Variants in PRMT8 observed in about 807,000 individuals in gnomAD.
PRMT8 encodes protein arginine N-methyltransferase 8.
A neutral mutation model predicts 47.1 loss-of-function variants in PRMT8; 7 were observed. The observed-to-expected ratio is 0.15, with a 90% CI of 0.08 to 0.28. The LOEUF is 0.28. Ranked by LOEUF, PRMT8 falls within the 10% of genes least tolerant of loss-of-function variation. The probability of loss-of-function intolerance (pLI) is 1.00; values close to 1 mark genes in which losing one functional copy is unlikely to be tolerated. For synonymous variants in PRMT8, 188 were observed against 186.5 expected (o/e 1.01, Z -0.07); for missense variants, 237 against 505.4 (o/e 0.47, Z 5.09).
intron 6 of PRMT8, chr12:3,574,192 A>G (rs907827170): frequency 1.3e-5 from 2 of 152,220 alleles, no homozygotes; most frequent in South Asian, 2.1e-4. Flanking sequence ...ATGCTGTACT[A>G]TGGGTGTTGA....
chr12:3,560,605 T>C (rs1452066209), intron 4 of PRMT8, among the ~76,000 whole-genome samples: 1 of 152,216 alleles, frequency 6.6e-6, no homozygotes, highest in African/African-American at 2.4e-5. Flanking sequence ...TTGATTGCAT[T>C]GGTTTAACTC....
chr12:3,397,736 C>T lies in PRMT8; in HGVS notation c.48+16294C>T, dbSNP rs528875501. On this transcript the variant is annotated intron_variant, in intron 1 of 9. Transcript: ENST00000452611. ...GGCCTCCTTGAGCTGTGGTGGGCTC[C>T]CCCCAGTTCGTGCTTCCCGGCTGCT... Among the ~76,000 whole-genome samples the T allele has an allele frequency of 3.8e-4, 57 of 151,952 alleles. 2 individuals carry two copies. The South Asian group carries it at 4.2e-3, about 11-fold the overall frequency.
At chr12:3,528,394 T>A (rs1241865730) in intron 1 of PRMT8, among the ~76,000 whole-genome samples, 1 of 152,200 alleles carries the variant, frequency 6.6e-6, no homozygotes, top group African/African-American at 2.4e-5. Flanking sequence ...TTGCCTTGTG[T>A]CAAGTTCACT....
intron 1 of PRMT8, 57 bp downstream of exon 1, chr12:3,491,757 GCGCCGC>G (rs1230882766): frequency 1.9e-6 from 3 of 1,541,558 alleles, no homozygotes; most frequent in East Asian, 4.7e-5. Context: ...CCGGACCACC[GCGCCGC>G]CGCCGCCGCT....
intron 1 of PRMT8, among the ~76,000 whole-genome samples, chr12:3,402,772 C>T (rs1864331026): frequency 6.6e-6 from 1 of 152,140 alleles, no homozygotes; most frequent in Non-Finnish European, 1.5e-5. Context: ...AATGAGATAC[C>T]ATCTCATGCC....
chr12:3,417,115 T>C (rs866013743), intron 1 of PRMT8, among the ~76,000 whole-genome samples: 3 of 152,204 alleles, frequency 2.0e-5, no homozygotes, highest in Non-Finnish European at 4.4e-5. Context: ...AGGCGTGTAA[T>C]AGAATGGGGA....
chr12:3,552,820 C>T lies in PRMT8; in HGVS notation c.418-831C>T. On this transcript the variant is annotated intron_variant, in intron 3 of 9. Coordinates refer to ENST00000382622, the MANE Select transcript of PRMT8 (RefSeq NM_019854.5). The surrounding 1 kb of genome is among the most constrained non-coding windows in gnomAD (Gnocchi z 4.5). The stretch of plus-strand genomic sequence containing the variant: ...CGAGGCCTGGGGGTAGTCTGAGGGG[C>T]CCCCAAGTGTGGAGGTGAGTAGAGC... 1 of 459,198 alleles carries T rather than the reference C, an allele frequency of 2.2e-6. No individual in the cohort carries two copies. The highest frequency in any genetic ancestry group is 4.4e-6 in the Non-Finnish European group (1 of 228,444). 28.4% of individuals were successfully genotyped at this position (459,198 alleles called of 1,614,324 possible).
At chr12:3,490,466 C>G (rs1047565205), upstream of PRMT8, among the ~76,000 whole-genome samples, 1 of 142,344 alleles carries the variant, frequency 7.0e-6, no homozygotes, top group African/African-American at 2.6e-5. Context: ...AAAGGGACTT[C>G]AAAATCTGGC....
intron 8 of PRMT8, among the ~76,000 whole-genome samples, chr12:3,584,896 A>C (rs1319883475): frequency 6.6e-6 from 1 of 152,164 alleles, no homozygotes; most frequent in Non-Finnish European, 1.5e-5. Context: ...CTTAGGTTGG[A>C]TCCTACCCTC....
At chr12:3,532,631 A>T (rs1197194747) in intron 1 of PRMT8, among the ~76,000 whole-genome samples, 2 of 150,256 alleles carry the variant, frequency 1.3e-5, no homozygotes, top group Non-Finnish European at 3.0e-5. Flanking sequence ...AAAAAAAAAA[A>T]AAAAAAAAAA....
At position 3,491,611 on chromosome 12, in the gene PRMT8, C is replaced by A; in HGVS notation, c.-15C>A. On this transcript the variant is annotated 5_prime_UTR_variant, in exon 1 of 10. Transcript: ENST00000382622. The stretch of plus-strand genomic sequence containing the variant: ...CCTCTACTATCTCGGTATCACCAAA[C>A]CCTTGCCGGCTCTTATGGGCATGAA... 1.2e-6 allele frequency: 2 copies of A among 1,612,004 alleles called. No homozygotes were observed. The highest frequency in any genetic ancestry group is 1.7e-6 in the Non-Finnish European group (2 of 1,179,560).
Position 3,381,591 on chromosome 12 carries a change from T to A in PRMT8, c.48+149T>A, listed in dbSNP as rs1243954488. The A allele has an allele frequency of 2.4e-5, 18 of 734,818 alleles. No homozygotes were observed. The East Asian group carries it at 4.9e-4, about 20-fold the overall frequency. The allele number at this position is 734,818 out of a possible 1,614,324, so 45.5% of individuals were successfully genotyped here. ...CGTCTCTGTTTCTAAGTTCATAACA[T>A]GCTGCTCTGGGCTTTGCGGCTCCAC... On this transcript the variant is annotated intron_variant, in intron 1 of 9. Coordinates refer to the PRMT8 transcript ENST00000452611.
At chr12:3,386,413 T>C (rs546847847) in intron 1 of PRMT8, among the ~76,000 whole-genome samples, 5 of 152,378 alleles carry the variant, frequency 3.3e-5, no homozygotes, top group African/African-American at 1.2e-4. Flanking sequence ...TTCCTCTTAC[T>C]TTTCATGCCA....
At chr12:3,384,548 C>T (rs1008697894) in intron 1 of PRMT8, among the ~76,000 whole-genome samples, 1 of 152,204 alleles carries the variant, frequency 6.6e-6, no homozygotes, top group Non-Finnish European at 1.5e-5. Context: ...ATTGTCAGGG[C>T]TCTGGGTGTT....
At chr12:3,512,766 G>A (rs1253371925) in intron 1 of PRMT8, among the ~76,000 whole-genome samples, 1 of 152,226 alleles carries the variant, frequency 6.6e-6, no homozygotes, top group African/African-American at 2.4e-5. Context: ...GGATGACTTA[G>A]TGGATGTTGG....
At chr12:3,554,633 C>G (rs1866491904) in intron 4 of PRMT8, among the ~76,000 whole-genome samples, 1 of 152,134 alleles carries the variant, frequency 6.6e-6, no homozygotes, top group African/African-American at 2.4e-5. Context: ...GGTGGGAAGG[C>G]TGGAGCTGGG....
chr12:3,451,453 A>G (rs1044860316), intron 1 of PRMT8, among the ~76,000 whole-genome samples: 1 of 152,174 alleles, frequency 6.6e-6, no homozygotes, highest in Non-Finnish European at 1.5e-5. Context: ...CATGTGCAGA[A>G]AAGATCCTTT....
At chr12:3,434,834 A>G (rs2137070429) in intron 1 of PRMT8, among the ~76,000 whole-genome samples, 1 of 151,500 alleles carries the variant, frequency 6.6e-6, no homozygotes, top group Middle Eastern at 3.4e-3. Context: ...GGCAAGATTG[A>G]TCGAAGGGCC....
upstream of PRMT8, among the ~76,000 whole-genome samples, chr12:3,490,721 A>AG (rs1565420884): frequency 1.7e-4 from 16 of 96,472 alleles, no homozygotes; most frequent in Non-Finnish European, 3.3e-4. Flanking sequence ...GAGAGAGAGA[A>AG]AAGGATAAAG....
Sources: gnomAD v4.1 joint callset for allele counts (sites outside exome capture counted in the v4.1 genomes callset) on GRCh38, gnomAD v4.1.1 for gene constraint, Gnocchi (gnomAD v3.1) non-coding constraint, MANE v1.5 for transcripts, NCBI Gene and HGNC (gene_info 2026-07-23, HGNC 2026-07-21) for gene names.